ZNF334: variants seen among roughly 807,000 people sequenced by gnomAD.
ZNF334 encodes zinc finger protein 334.
A neutral mutation model predicts 12.4 loss-of-function variants in ZNF334; 14 were observed. The observed-to-expected ratio is 1.13, with a 90% CI of 0.74 to 1.76. ZNF334 has a LOEUF of 1.76. ZNF334 is among the 40% of genes most tolerant of loss of function. The probability of loss-of-function intolerance (pLI) is 0.00; values close to 1 mark genes in which losing one functional copy is unlikely to be tolerated. For synonymous variants in ZNF334, 273 were observed against 269.6 expected (o/e 1.01, Z -0.12); for missense variants, 797 against 804.5 (o/e 0.99, Z 0.11).
At chr20:46,503,153 A>G in intron 4 of ZNF334, 56 bp from the exon 5 acceptor site, 2 of 1,504,910 alleles carry the variant, frequency 1.3e-6, no homozygotes, top group Non-Finnish European at 1.8e-6. Context: ...GTTTGCTATG[A>G]AATGAGAATT....
chr20:46,486,603 A>G, the ZNF334 span, among the ~76,000 whole-genome samples: 1 of 152,086 alleles, frequency 6.6e-6, no homozygotes, highest in African/African-American at 2.4e-5. Flanking sequence ...CATCCATCAC[A>G]CAGCCAGTTT....
At position 46,502,377 on chromosome 20, in the gene ZNF334, T is replaced by C. The variant is rs758272454; in HGVS notation, c.962A>G (p.Tyr321Cys). 9.9e-6 allele frequency: 16 copies of C among 1,613,996 alleles called. No homozygotes were observed. In the South Asian group the frequency reaches 1.3e-4, roughly 13 times the overall value. Residue 321 changes from tyrosine (Y) to cysteine (C), a missense_variant, in exon 5 of 5, where the codon TAT (tyrosine) becomes TGT (cysteine). Transcript: ENST00000692313. ...GGTCTTTCCACATTCATTACACTCA[T>C]AGGATTTCTCCCCTCCATGAATTTT... Reference protein sequence around the residue: ...HQKIHGGEKSYECNECGKTFF... With the variant: ...HQKIHGGEKSCECNECGKTFF...
chr20:46,464,827 T>A, the ZNF334 span: 3 of 539,038 alleles, frequency 5.6e-6, no homozygotes, highest in South Asian at 4.2e-5. Flanking sequence ...CTCCTACAGT[T>A]GCAAAGTTTG....
the ZNF334 span, among the ~76,000 whole-genome samples, chr20:46,489,649 CAAAA>C: frequency 6.6e-5 from 6 of 90,738 alleles, no homozygotes; most frequent in Admixed American, 1.2e-4. Flanking sequence ...CAGACTCTCT[CAAAA>C]AAAAAAAAAA....
chr20:46,491,242 T>C, the ZNF334 span: 1 of 152,716 alleles, frequency 6.5e-6, no homozygotes. Flanking sequence ...CATCCCTCTC[T>C]ATACATCAGA....
At chr20:46,464,281 C>T in the ZNF334 span, 96 of 554,162 alleles carry the variant, frequency 1.7e-4, no homozygotes, top group South Asian at 1.0e-3. Context: ...TTCTTTCTCC[C>T]GCCTGGTACT....
chr20:46,489,589 C>T, the ZNF334 span, among the ~76,000 whole-genome samples: 5 of 140,412 alleles, frequency 3.6e-5, no homozygotes, highest in South Asian at 2.3e-4. Flanking sequence ...GCCTGGGAAG[C>T]GGGGCTTGAA....
At chr20:46,467,342 C>G in the ZNF334 span, among the ~76,000 whole-genome samples, 1 of 151,792 alleles carries the variant, frequency 6.6e-6, no homozygotes, top group Admixed American at 6.6e-5. Context: ...TATGTAAATA[C>G]CAAATACAGG....
the ZNF334 span, among the ~76,000 whole-genome samples, chr20:46,485,859 A>C: frequency 6.6e-6 from 1 of 152,182 alleles, no homozygotes. Flanking sequence ...TTATTCTTTA[A>C]ATACTTAATA....
chr20:46,480,632 A>G, the ZNF334 span, among the ~76,000 whole-genome samples: 11 of 152,286 alleles, frequency 7.2e-5, no homozygotes, highest in South Asian at 2.1e-4. Flanking sequence ...GCATTCCCCA[A>G]TCCTTCCTGT....
At chr20:46,489,577 G>C in the ZNF334 span, among the ~76,000 whole-genome samples, 1 of 147,068 alleles carries the variant, frequency 6.8e-6, no homozygotes, top group Non-Finnish European at 1.5e-5. Context: ...AGAATCACTT[G>C]AGCCTGGGAA....
chr20:46,509,457 A>T, intron 2 of ZNF334: 1 of 659,726 alleles, frequency 1.5e-6, no homozygotes. Flanking sequence ...ACTCACTACA[A>T]GCCCCAAAGA....
chr20:46,463,763 T>TA, the ZNF334 span: 3 of 245,060 alleles, frequency 1.2e-5, no homozygotes, highest in Non-Finnish European at 2.5e-5. Context: ...AGGCCCTAGG[T>TA]AAAAATTATT....
chr20:46,507,649 G>A (rs905693831), intron 2 of ZNF334, among the ~76,000 whole-genome samples: 1 of 152,162 alleles, frequency 6.6e-6, no homozygotes, highest in African/African-American at 2.4e-5. Context: ...AGACACCTGG[G>A]CTTTGGCCTG....
chr20:46,508,560 G>C (rs1191028821), intron 2 of ZNF334, among the ~76,000 whole-genome samples: 1 of 152,228 alleles, frequency 6.6e-6, no homozygotes, highest in East Asian at 1.9e-4. Flanking sequence ...GCATGTTCAG[G>C]AGACTAAATG....
At chr20:46,504,352 C>G (rs368921997) in intron 3 of ZNF334, 46 bp from the exon 4 acceptor site, 4 of 1,522,194 alleles carry the variant, frequency 2.6e-6, no homozygotes, top group Non-Finnish European at 3.6e-6. Flanking sequence ...CTTTGGACAT[C>G]AGAGACTCTG....
intron 4 of ZNF334, 150 bp downstream of exon 4, chr20:46,504,064 G>A (rs2061344084): frequency 1.1e-5 from 5 of 455,702 alleles, no homozygotes; most frequent in Non-Finnish European, 1.9e-5. Flanking sequence ...GATGTCCATA[G>A]CATGACAGTT....
chr20:46,481,813 A>C, the ZNF334 span, among the ~76,000 whole-genome samples: 1 of 152,216 alleles, frequency 6.6e-6, no homozygotes, highest in Non-Finnish European at 1.5e-5. Context: ...AGAAAATAGA[A>C]GGCCAGATAC....
intron 3 of ZNF334, 36 bp from the exon 4 acceptor site, chr20:46,504,342 C>A (rs1346542635): frequency 6.4e-7 from 1 of 1,562,570 alleles, no homozygotes; most frequent in East Asian, 2.2e-5. Context: ...GGACCAAGAT[C>A]TTTGGACATC....
Sources: gnomAD v4.1 joint callset for allele counts (sites outside exome capture counted in the v4.1 genomes callset) on GRCh38, gnomAD v4.1.1 for gene constraint, MANE v1.5 for transcripts, NCBI Gene and HGNC (gene_info 2026-07-23, HGNC 2026-07-21) for gene names.